Variants in FAM13B observed in about 807,000 individuals in gnomAD.
The protein encoded by FAM13B is family with sequence similarity 13 member B.
FAM13B carries 60 observed loss-of-function variants against 117.3 expected under a neutral mutation model. That is an observed-to-expected ratio of 0.51 (90% CI 0.42 to 0.63). The LOEUF (loss-of-function observed/expected upper bound fraction) is 0.63. Ranked by LOEUF, FAM13B falls within the 30% of genes least tolerant of loss-of-function variation. The pLI is 0.00. For missense variants in FAM13B, 972 were observed against 1,091.9 expected, an observed-to-expected ratio of 0.89 and a Z score of 1.55; for synonymous variants, 332 against 356.1, an observed-to-expected ratio of 0.93 and a Z score of 0.76.
At chr5:137,979,164 C>T (rs1477530082) in intron 10 of FAM13B, among the ~76,000 whole-genome samples, 1 of 152,080 alleles carries the variant, frequency 6.6e-6, no homozygotes, top group African/African-American at 2.4e-5. Flanking sequence ...AAGCATGTGC[C>T]ATCATGCCCC....
intron 7 of FAM13B, among the ~76,000 whole-genome samples, chr5:137,992,446 T>G (rs781465206): frequency 1.1e-4 from 16 of 151,356 alleles, no homozygotes; most frequent in Non-Finnish European, 2.1e-4. Context: ...ATACAAAAAT[T>G]AGCCGCGCAT....
At chr5:137,956,629 G>A in intron 13 of FAM13B, 87 bp from the exon 14 acceptor site, 1 of 864,836 alleles carries the variant, frequency 1.2e-6, no homozygotes, top group Admixed American at 3.4e-5. Flanking sequence ...CAAAGCCAAA[G>A]ATACCAAAAA....
intron 1 of FAM13B, among the ~76,000 whole-genome samples, chr5:138,047,686 T>G (rs1457023378): frequency 6.6e-6 from 1 of 152,034 alleles, no homozygotes; most frequent in Non-Finnish European, 1.5e-5. Context: ...CCTTTATAAA[T>G]GGAAGAGGAA....
chr5:138,042,385 A>C (rs1466684437), intron 1 of FAM13B, among the ~76,000 whole-genome samples: 1 of 152,200 alleles, frequency 6.6e-6, no homozygotes, highest in South Asian at 2.1e-4. Context: ...AGGGGTCATG[A>C]GAAGATATTC....
intron 20 of FAM13B, 56 bp downstream of exon 20, chr5:137,945,846 T>G (rs933516861): frequency 5.1e-5 from 65 of 1,286,458 alleles, no homozygotes; most frequent in Middle Eastern, 2.2e-4. Context: ...TAATTTTTTT[T>G]GGGAAGAGTA....
At chr5:137,955,852 G>A (rs1161808759) in intron 14 of FAM13B, among the ~76,000 whole-genome samples, 2 of 152,088 alleles carry the variant, frequency 1.3e-5, no homozygotes, top group Admixed American at 6.5e-5. Context: ...GGCTGGTTAC[G>A]AACTCCTGAC....
intron 10 of FAM13B, among the ~76,000 whole-genome samples, chr5:137,967,817 T>C (rs982374270): frequency 6.6e-6 from 1 of 151,978 alleles, no homozygotes; most frequent in Non-Finnish European, 1.5e-5. Flanking sequence ...TGCTTGAGCC[T>C]GGGAGGCTGA....
intron 1 of FAM13B, among the ~76,000 whole-genome samples, chr5:138,051,309 T>C (rs1395991011): frequency 6.6e-6 from 1 of 152,244 alleles, no homozygotes; most frequent in Non-Finnish European, 1.5e-5. Context: ...TGTATATTTG[T>C]GTAGAACAGA....
At chr5:138,013,815 A>G (rs1370262981) in intron 4 of FAM13B, among the ~76,000 whole-genome samples, 1 of 152,232 alleles carries the variant, frequency 6.6e-6, no homozygotes, top group Non-Finnish European at 1.5e-5. Flanking sequence ...CACTTGACAA[A>G]TTCTACCTAA....
rs756650488 is a variant in FAM13B at position 137,960,185 on chromosome 5, T to C, written c.1274A>G (p.Lys425Arg). Residue 425 changes from lysine (K) to arginine (R), a missense_variant, in exon 12 of 24, where the codon AAA becomes AGA. Coordinates refer to ENST00000689681, the MANE Select transcript of FAM13B (RefSeq NM_001385994.1). Reference protein sequence around the residue: ...REEYLLFDSDKLSHLILDSSS... With the variant: ...REEYLLFDSDRLSHLILDSSS... ...TCTTACCAGAATCAAGTGTGACAAT[T>C]TATCACTGTCAAATAACAAATATTC... The C allele has an allele frequency of 2.6e-6, 4 of 1,534,278 alleles. No homozygotes were observed. The highest frequency in any genetic ancestry group is 3.6e-6 in the Non-Finnish European group (4 of 1,121,158).
chr5:137,982,625 G>T (rs980548989), intron 10 of FAM13B, among the ~76,000 whole-genome samples: 8 of 152,080 alleles, frequency 5.3e-5, no homozygotes, highest in African/African-American at 1.9e-4. Context: ...ACATAGAAAA[G>T]AATCTGAACA....
At chr5:137,942,486 A>C (rs1762151606) in intron 22 of FAM13B, 1 of 206,924 alleles carries the variant, frequency 4.8e-6, no homozygotes, top group Admixed American at 5.4e-5. Flanking sequence ...TCAGCCTCCC[A>C]AGTATCTGGG....
intron 10 of FAM13B, among the ~76,000 whole-genome samples, chr5:137,965,650 T>A (rs542457151): frequency 6.6e-6 from 1 of 152,312 alleles, no homozygotes; most frequent in Admixed American, 6.5e-5. Flanking sequence ...CATATTGATA[T>A]ACTTCTATCT....
intron 1 of FAM13B, chr5:138,038,750 A>G (rs1386867296): frequency 6.6e-6 from 1 of 152,208 alleles, no homozygotes; most frequent in Non-Finnish European, 1.5e-5. Flanking sequence ...CTCCAAAATA[A>G]TGGCAAATAC....
chr5:137,987,736 A>C lies in FAM13B; in HGVS notation c.891-120T>G, dbSNP rs988257414. 7 of 835,724 alleles carry C rather than the reference A, an allele frequency of 8.4e-6. No homozygotes were observed. The African/African-American group carries it at 1.2e-4, about 14-fold the overall frequency. 51.8% of individuals were successfully genotyped at this position (835,724 alleles called of 1,614,324 possible). On this transcript the variant is annotated intron_variant, in intron 8 of 23. Coordinates refer to ENST00000689681, the MANE Select transcript of FAM13B (RefSeq NM_001385994.1). ...TTATGGTACTTAAATGGGTAAACCA[A>C]AGTGTAAAAAGAAATACATAAAAGG...
chr5:137,938,541 C>T lies in FAM13B; in HGVS notation c.*1684G>A, dbSNP rs1474979623. ...TTTCAATTTCACTTTTCTAGGTATA[C>T]ATTATGAATAACCTAGTTGTATCAA... On this transcript the variant is annotated 3_prime_UTR_variant, in exon 24 of 24. Transcript: ENST00000689681. The T allele has an allele frequency of 2.6e-5, 4 of 152,490 alleles. No individual in the cohort carries two copies. The highest frequency in any genetic ancestry group is 9.7e-5 in the African/African-American group (4 of 41,406). The allele number at this position is 152,490 out of a possible 1,614,324, so 9.4% of individuals were successfully genotyped here.
At chr5:138,006,918 C>A in intron 7 of FAM13B, 72 bp downstream of exon 7, 1 of 1,384,346 alleles carries the variant, frequency 7.2e-7, no homozygotes, top group South Asian at 1.7e-5. Flanking sequence ...GTTTGTGTTT[C>A]TGAATGCTGG....
chr5:137,952,620 T>C lies in FAM13B; in HGVS notation c.1930+8A>G, dbSNP rs1380713253. The C allele has an allele frequency of 2.6e-6, 4 of 1,566,906 alleles. No individual in the cohort carries two copies. Among genetic ancestry groups the C allele is most frequent in the African/African-American group, 1.4e-5 (1 of 73,920 alleles). On this transcript the variant is annotated splice_region_variant and intron_variant, in intron 17 of 23. Coordinates refer to ENST00000689681, the MANE Select transcript of FAM13B (RefSeq NM_001385994.1). Reference sequence around the variant, plus strand: ...TGCAAATATATTACAAAATGGCACATAATATACCTTTAATTTGCTTCCGCA... The same window carrying C: ...TGCAAATATATTACAAAATGGCACACAATATACCTTTAATTTGCTTCCGCA...
intron 10 of FAM13B, among the ~76,000 whole-genome samples, chr5:137,977,246 C>T (rs1035701578): frequency 2.6e-5 from 4 of 152,140 alleles, no homozygotes; most frequent in Non-Finnish European, 1.5e-5. Flanking sequence ...AACCCTGTCT[C>T]CTGATAAGAT....
Sources: allele counts gnomAD v4.1 joint callset (sites outside exome capture counted in the v4.1 genomes callset), GRCh38; gene constraint gnomAD v4.1.1; transcripts MANE v1.5; gene names NCBI Gene and HGNC (gene_info 2026-07-23, HGNC 2026-07-21).